The following COL6A6 variants were observed in gnomAD, a reference collection of about 807,000 sequenced individuals.
The protein encoded by COL6A6 is collagen alpha-6(VI) chain.
A neutral mutation model predicts 208.6 loss-of-function variants in COL6A6; 183 were observed. The ratio of observed to expected loss-of-function variants is 0.88; its 90% confidence interval spans 0.78 to 0.99. The LOEUF (loss-of-function observed/expected upper bound fraction) is 0.99, where lower values mean the gene tolerates loss of function less well. Ranked by LOEUF, COL6A6 falls within the 50% of genes least tolerant of loss-of-function variation. The pLI is 0.00. For missense variants in COL6A6, 2,816 were observed against 2,815.2 expected, an observed-to-expected ratio of 1.00 and a Z score of -0.01; for synonymous variants, 973 against 1,011.8, an observed-to-expected ratio of 0.96 and a Z score of 0.73.
At chr3:130,535,295 C>G (rs191960302) in intron 1 of COL6A6, among the ~76,000 whole-genome samples, 5 of 152,186 alleles carry the variant, frequency 3.3e-5, no homozygotes, top group African/African-American at 1.2e-4. Flanking sequence ...AATTTTAGTT[C>G]CAGTGCACAT....
At chr3:130,588,917 C>CAAAA (rs58377635) in intron 11 of COL6A6, among the ~76,000 whole-genome samples, 173 bp from the exon 12 acceptor site, 8 of 68,204 alleles carry the variant, frequency 1.2e-4, no homozygotes, top group Non-Finnish European at 1.4e-4. Context: ...AAGATGGAAG[C>CAAAA]AAAAAAAAAA....
chr3:130,561,877 C>T (rs1312798092), intron 2 of COL6A6, among the ~76,000 whole-genome samples: 1 of 151,704 alleles, frequency 6.6e-6, no homozygotes, highest in African/African-American at 2.4e-5. Flanking sequence ...TGGTCTCGAT[C>T]TCCTGACCTC....
At chr3:130,623,518 C>G (rs1051689852) in intron 24 of COL6A6, among the ~76,000 whole-genome samples, 1 of 152,158 alleles carries the variant, frequency 6.6e-6, no homozygotes, top group Non-Finnish European at 1.5e-5. Flanking sequence ...TTGGTACACT[C>G]TTATAGTCTC....
rs777708667 is a variant in COL6A6, at chr3:130,606,976, T to C, written c.4689+10T>C. The C allele has an allele frequency of 1.2e-6, 2 of 1,603,284 alleles. No homozygotes were observed. Among genetic ancestry groups the C allele is most frequent in the East Asian group, 2.2e-5 (1 of 44,620 alleles). ...ACATACAGGCCCACAGGTACAATGA[T>C]TTTTCCCCTTAACTCCAAATAACAA... is the stretch of plus-strand genomic sequence containing the variant. On this transcript the variant is annotated intron_variant, in intron 21 of 36. Transcript: ENST00000358511.
intron 23 of COL6A6, 145 bp downstream of exon 23, chr3:130,610,856 A>G (rs2064336397): frequency 1.6e-6 from 1 of 623,178 alleles, no homozygotes; most frequent in Non-Finnish European, 2.8e-6. Flanking sequence ...TGGTGGCCAC[A>G]TCACATCATG....
At chr3:130,539,200 A>G (rs1356461579) in intron 1 of COL6A6, among the ~76,000 whole-genome samples, 4 of 152,236 alleles carry the variant, frequency 2.6e-5, no homozygotes, top group Non-Finnish European at 5.9e-5. Context: ...AAGTGGAGCT[A>G]GAAAATATAG....
At chr3:130,613,967 A>T (rs7642379) in intron 23 of COL6A6, among the ~76,000 whole-genome samples, 5,180 of 152,182 alleles carry the variant, frequency 0.034, 334 homozygotes, top group African/African-American at 0.12. Flanking sequence ...GCAAACAGGG[A>T]TAGTTTGACT....
intron 24 of COL6A6, among the ~76,000 whole-genome samples, chr3:130,624,927 G>T (rs1441751312): frequency 1.3e-5 from 2 of 152,136 alleles, no homozygotes; most frequent in Non-Finnish European, 2.9e-5. Context: ...TTAATCCTGG[G>T]CTTAACACTT....
intron 10 of COL6A6, among the ~76,000 whole-genome samples, chr3:130,585,177 C>T (rs1367076755): frequency 6.6e-6 from 1 of 152,086 alleles, no homozygotes; most frequent in African/African-American, 2.4e-5. Context: ...AAAATGTTGC[C>T]AGTGGAGTAA....
At position 130,665,026 on chromosome 3, in the gene COL6A6, A is replaced by G. The variant is rs1444262140; in HGVS notation, c.6526A>G (p.Ile2176Val). The G allele has an allele frequency of 6.2e-7, 1 of 1,606,786 alleles. No homozygotes were observed. The highest frequency in any genetic ancestry group is 8.5e-7 in the Non-Finnish European group (1 of 1,176,226). The change falls in exon 36 of 37, where the codon ATA (isoleucine) becomes GTA (valine). Residue 2176 changes from isoleucine (I) to valine (V), a missense_variant. Coordinates refer to ENST00000358511, the MANE Select transcript of COL6A6 (RefSeq NM_001102608.3). ...AGGTGCAATCAACAAATATCCACCA[A>G]TAAACTTAAAAATAAAGTGCAACAG... ...IRRAINKYPPINLKIKCNRLN... is the reference protein window; with the variant it reads ...IRRAINKYPPVNLKIKCNRLN...
rs758660155 is a variant in COL6A6, at chr3:130,665,127, G to A, written c.6596+31G>A. On this transcript the variant is annotated intron_variant, in intron 36 of 36. Transcript: ENST00000358511. ...GTCTGTTTGGTGTTACTTGATAAAT[G>A]AGAATGCCCCCTGCCTTTCTTCTAT... is the stretch of plus-strand genomic sequence containing the variant. The A allele has an allele frequency of 3.4e-6, 5 of 1,455,868 alleles. No homozygotes were observed. The South Asian group carries it at 4.9e-5, about 14-fold the overall frequency. 90.2% of individuals were successfully genotyped at this position (1,455,868 alleles called of 1,614,324 possible).
rs749017725 is a variant in COL6A6 at position 130,571,273 on chromosome 3, C to T, written c.2857C>T (p.Pro953Ser). 1.9e-5 allele frequency: 30 copies of T among 1,614,040 alleles called. No individual in the cohort carries two copies. The African/African-American group carries it at 3.3e-4, about 18-fold the overall frequency. Residue 953 changes from proline (P) to serine (S), a missense_variant, in exon 7 of 37, where the codon CCC (proline) becomes TCC (serine). Pro to Ser is a moderately conservative substitution (Grantham distance 74). Coordinates refer to ENST00000358511, the MANE Select transcript of COL6A6 (RefSeq NM_001102608.3). Reference sequence around the variant, plus strand: ...GGCTGTGGGGATTGATGGTGCCAATCCCGTGGAGCTGTTAGCCATGGCAGG... The same window carrying T: ...GGCTGTGGGGATTGATGGTGCCAATTCCGTGGAGCTGTTAGCCATGGCAGG... The part of the protein sequence containing the change: ...VLAVGIDGAN[P>S]VELLAMAGSS...
intron 1 of COL6A6, among the ~76,000 whole-genome samples, chr3:130,529,753 C>A (rs769439082): frequency 4.6e-5 from 7 of 152,180 alleles, no homozygotes; most frequent in Non-Finnish European, 5.9e-5. Flanking sequence ...TCTATTAAAG[C>A]CAGATCTCTT....
At chr3:130,598,294 T>C (rs780715310) in intron 18 of COL6A6, 71 bp from the exon 19 acceptor site, 18 of 1,039,250 alleles carry the variant, frequency 1.7e-5, no homozygotes, top group Non-Finnish European at 2.6e-5. Flanking sequence ...AGCTAAGTGT[T>C]ATACATAAGT....
rs565460443 is a variant in COL6A6, at chr3:130,658,028, T to G, written c.5734-648T>G. On this transcript the variant is annotated intron_variant, in intron 33 of 36. Transcript: ENST00000358511. ...AGCTCCCCCTGTGGGTTACTAACAATGGGGCCAAGTTGGGAAAGGGTTGGG... is the reference window on the plus strand; with the variant it reads ...AGCTCCCCCTGTGGGTTACTAACAAGGGGGCCAAGTTGGGAAAGGGTTGGG... 2.0e-5 allele frequency among the ~76,000 whole-genome samples: 3 copies of G among 152,260 alleles called. No individual in the cohort carries two copies. The East Asian group carries it at 5.8e-4, about 30-fold the overall frequency.
intron 29 of COL6A6, 149 bp from the exon 30 acceptor site, chr3:130,642,683 G>A (rs2065350846): frequency 3.1e-6 from 2 of 645,872 alleles, no homozygotes; most frequent in African/African-American, 3.7e-5. Context: ...TAGGTAATGA[G>A]TACCTACCTG....
chr3:130,544,900 G>GT (rs200755925), intron 1 of COL6A6, among the ~76,000 whole-genome samples: 2,558 of 152,130 alleles, frequency 0.017, 68 homozygotes, highest in African/African-American at 0.056. Context: ...ATTGTATGAG[G>GT]TTTTTTAAAT....
At chr3:130,624,050 A>G (rs1298153471) in intron 24 of COL6A6, among the ~76,000 whole-genome samples, 1 of 152,200 alleles carries the variant, frequency 6.6e-6, no homozygotes, top group Middle Eastern at 3.2e-3. Context: ...AGGACTGCAA[A>G]GGACCGAGAA....
intron 26 of COL6A6, 145 bp from the exon 27 acceptor site, chr3:130,634,445 A>C: frequency 1.4e-6 from 1 of 706,878 alleles, no homozygotes; most frequent in South Asian, 1.7e-5. Context: ...AAATACTGCT[A>C]TTTCACTTCC....
Sources: allele counts gnomAD v4.1 joint callset (sites outside exome capture counted in the v4.1 genomes callset), GRCh38; gene constraint gnomAD v4.1.1; transcripts MANE v1.5; gene names NCBI Gene and HGNC (gene_info 2026-07-23, HGNC 2026-07-21).